The following CTNNA2 variants were observed in gnomAD, a reference collection of about 807,000 sequenced individuals.
The protein encoded by CTNNA2 is catenin alpha 2, also known as catenin alpha-2.
Under a neutral mutation model 101.0 loss-of-function variants are expected in CTNNA2, and 42 were observed. The observed-to-expected ratio is 0.42, with a 90% confidence interval of 0.32 to 0.54. The LOEUF is 0.54. Ranked by LOEUF, CTNNA2 falls within the 20% of genes least tolerant of loss-of-function variation. The pLI is 0.14. For missense variants in CTNNA2, 871 were observed against 1,223.1 expected (o/e 0.71, Z 4.29); for synonymous variants, 450 against 456.4 (o/e 0.99, Z 0.18).
intron 7 of CTNNA2, among the ~76,000 whole-genome samples, chr2:80,363,344 A>T (rs1022287143): frequency 2.0e-5 from 3 of 152,158 alleles, no homozygotes; most frequent in Non-Finnish European, 4.4e-5. Flanking sequence ...AAGCAAAAAT[A>T]ACTAAAAATA....
intron 3 of CTNNA2, among the ~76,000 whole-genome samples, chr2:79,361,630 T>C (rs1446559885): frequency 6.6e-6 from 1 of 152,084 alleles, no homozygotes; most frequent in African/African-American, 2.4e-5. Flanking sequence ...ATAGAACTAA[T>C]AGGATATACA....
chr2:80,020,148 T>G (rs1281465347), intron 7 of CTNNA2, among the ~76,000 whole-genome samples: 1 of 152,196 alleles, frequency 6.6e-6, no homozygotes, highest in Non-Finnish European at 1.5e-5. Flanking sequence ...TGCAACACTT[T>G]GCAAATATGA....
chr2:80,517,344 G>T (rs747782406), intron 9 of CTNNA2, among the ~76,000 whole-genome samples: 6 of 152,170 alleles, frequency 3.9e-5, no homozygotes, highest in Non-Finnish European at 8.8e-5. Flanking sequence ...TGGGGACCAC[G>T]GATGGATTTG....
chr2:80,647,036 C>A (rs545985527), intron 18 of CTNNA2, among the ~76,000 whole-genome samples: 1 of 151,902 alleles, frequency 6.6e-6, no homozygotes, highest in South Asian at 2.1e-4. Flanking sequence ...GCTATGAGAT[C>A]CTGACATAAG....
At chr2:80,559,624 A>G (rs1244960637) in intron 12 of CTNNA2, among the ~76,000 whole-genome samples, 1 of 152,152 alleles carries the variant, frequency 6.6e-6, no homozygotes, top group African/African-American at 2.4e-5. Flanking sequence ...ATTATGTACA[A>G]ATTTACCTGT....
chr2:79,520,711 A>G (rs903438724), intron 1 of CTNNA2, among the ~76,000 whole-genome samples: 7 of 152,294 alleles, frequency 4.6e-5, no homozygotes, highest in Admixed American at 3.9e-4. Flanking sequence ...AAATATACAA[A>G]TATCTAATGA....
intron 1 of CTNNA2, among the ~76,000 whole-genome samples, chr2:79,596,649 C>T (rs779539742): frequency 1.3e-5 from 2 of 152,102 alleles, no homozygotes; most frequent in Non-Finnish European, 2.9e-5. Context: ...AAAAGAAAGG[C>T]GAGAGCTTTC....
intron 10 of CTNNA2, among the ~76,000 whole-genome samples, chr2:80,545,486 C>T (rs77192104): frequency 0.013 from 1,959 of 152,242 alleles, 18 homozygotes; most frequent in Admixed American, 0.021. Flanking sequence ...TTCGAGGCTG[C>T]AGGGAGCTGG....
chr2:80,195,302 A>G (rs1706759867), intron 7 of CTNNA2, among the ~76,000 whole-genome samples: 1 of 152,190 alleles, frequency 6.6e-6, no homozygotes, highest in Admixed American at 6.5e-5. Flanking sequence ...ACCACTCAGA[A>G]CATTTCTGGA....
chr2:80,243,593 G>A (rs1671110585), intron 7 of CTNNA2, among the ~76,000 whole-genome samples: 1 of 152,152 alleles, frequency 6.6e-6, no homozygotes. Flanking sequence ...ATTGCATCGT[G>A]TATCGATGGT....
intron 2 of CTNNA2, among the ~76,000 whole-genome samples, chr2:79,724,154 G>T (rs1307557687): frequency 1.3e-5 from 2 of 151,884 alleles, no homozygotes; most frequent in Non-Finnish European, 2.9e-5. Flanking sequence ...ATAGCTTCTG[G>T]TGGCCTTAAC....
chr2:80,043,982 G>A (rs1696353138), intron 7 of CTNNA2, among the ~76,000 whole-genome samples: 1 of 152,190 alleles, frequency 6.6e-6, no homozygotes, highest in Admixed American at 6.5e-5. Flanking sequence ...ATGAAAAGGG[G>A]TGAGAGGAAA....
chr2:79,289,987 C>G (rs1675751743), intron 2 of CTNNA2, among the ~76,000 whole-genome samples: 1 of 152,000 alleles, frequency 6.6e-6, no homozygotes. Flanking sequence ...GATGTCATAC[C>G]TATTTCAGAG....
At chr2:79,208,713 G>A (rs1266842481) in intron 2 of CTNNA2, among the ~76,000 whole-genome samples, 1 of 152,100 alleles carries the variant, frequency 6.6e-6, no homozygotes, top group Non-Finnish European at 1.5e-5. Flanking sequence ...CCCATTCAGG[G>A]CCCTCTTCAT....
chr2:79,599,846 T>C (rs1677436550), intron 1 of CTNNA2, among the ~76,000 whole-genome samples: 1 of 152,160 alleles, frequency 6.6e-6, no homozygotes, highest in Non-Finnish European at 1.5e-5. Flanking sequence ...CAGCATCCTA[T>C]TTAGAACCAT....
At chr2:80,041,227 A>G (rs1045336708) in intron 7 of CTNNA2, among the ~76,000 whole-genome samples, 3 of 151,898 alleles carry the variant, frequency 2.0e-5, no homozygotes, top group East Asian at 1.9e-4. Flanking sequence ...TCATTTTTTT[A>G]TAATCATAGA....
intron 4 of CTNNA2, among the ~76,000 whole-genome samples, chr2:79,426,062 T>C (rs1236523625): frequency 1.3e-5 from 2 of 152,130 alleles, no homozygotes; most frequent in South Asian, 2.1e-4. Context: ...ACTAAAACTT[T>C]AAGTGCATGT....
At chr2:80,377,756 G>A (rs1194203163) in intron 7 of CTNNA2, among the ~76,000 whole-genome samples, 1 of 152,194 alleles carries the variant, frequency 6.6e-6, no homozygotes, top group African/African-American at 2.4e-5. Context: ...TAGCACTATG[G>A]CTTTCCATGG....
intron 15 of CTNNA2, among the ~76,000 whole-genome samples, chr2:80,598,232 C>G (rs1243339418): frequency 6.6e-6 from 1 of 152,042 alleles, no homozygotes; most frequent in Non-Finnish European, 1.5e-5. Context: ...TGTTCTCACT[C>G]ATAAGTAGGA....
Sources: gnomAD v4.1 joint callset for allele counts (sites outside exome capture counted in the v4.1 genomes callset) on GRCh38, gnomAD v4.1.1 for gene constraint, MANE v1.5 for transcripts, NCBI Gene and HGNC (gene_info 2026-07-23, HGNC 2026-07-21) for gene names.